The following UBASH3B variants were observed in gnomAD, a reference collection of about 807,000 sequenced individuals.
The protein encoded by UBASH3B is ubiquitin-associated and SH3 domain-containing protein B.
Under a neutral mutation model 83.4 loss-of-function variants are expected in UBASH3B, and 37 were observed. The ratio of observed to expected loss-of-function variants is 0.44; its 90% CI spans 0.34 to 0.58. The LOEUF is 0.58. Ranked by LOEUF, UBASH3B falls within the 20% of genes least tolerant of loss-of-function variation. UBASH3B has a pLI of 0.01. For missense variants in UBASH3B, 657 were observed against 827.2 expected, an observed-to-expected ratio of 0.79 and a Z score of 2.52; for synonymous variants, 304 against 318.3, an observed-to-expected ratio of 0.96 and a Z score of 0.48.
chr11:122,792,520 C>T (rs71488379), intron 6 of UBASH3B, among the ~76,000 whole-genome samples: 6 of 151,818 alleles, frequency 4.0e-5, no homozygotes, highest in South Asian at 2.1e-4. Flanking sequence ...GGTTTCACCA[C>T]GTTGGCCAGG....
intron 5 of UBASH3B, among the ~76,000 whole-genome samples, chr11:122,786,343 C>T (rs115220453): frequency 0.013 from 1,996 of 149,876 alleles, 49 homozygotes; most frequent in African/African-American, 0.045. Flanking sequence ...GCCACAGTGC[C>T]GGTCCTGGAT....
intron 1 of UBASH3B, among the ~76,000 whole-genome samples, chr11:122,685,661 C>T (rs986765517): frequency 2.0e-5 from 3 of 152,048 alleles, no homozygotes; most frequent in Admixed American, 6.6e-5. Context: ...GAATTACAGG[C>T]GTCTGCCACA....
chr11:122,725,924 C>A (rs773148311), intron 1 of UBASH3B, among the ~76,000 whole-genome samples: 2 of 152,132 alleles, frequency 1.3e-5, no homozygotes, highest in African/African-American at 4.8e-5. Context: ...AAACTCCTGA[C>A]CTCATGATCC....
At chr11:122,764,671 G>C (rs1234022181) in intron 1 of UBASH3B, among the ~76,000 whole-genome samples, 1 of 152,220 alleles carries the variant, frequency 6.6e-6, no homozygotes, top group African/African-American at 2.4e-5. Flanking sequence ...AAGAGTGACC[G>C]TATCAGAAAC....
At chr11:122,736,862 C>T (rs903786593) in intron 1 of UBASH3B, among the ~76,000 whole-genome samples, 14 of 151,820 alleles carry the variant, frequency 9.2e-5, no homozygotes, top group African/African-American at 2.7e-4. Context: ...CCAGCTTGGG[C>T]AACATAGTGA....
chr11:122,656,880 A>T (rs932762531), intron 1 of UBASH3B, among the ~76,000 whole-genome samples: 1 of 152,166 alleles, frequency 6.6e-6, no homozygotes, highest in Non-Finnish European at 1.5e-5. Flanking sequence ...GCCTGAGAGT[A>T]AGGAGGGGGA....
chr11:122,725,073 A>G (rs7115231), intron 1 of UBASH3B, among the ~76,000 whole-genome samples: 131,437 of 135,824 alleles, frequency 0.97, 63,710 homozygotes, highest in Middle Eastern at 0.99. Context: ...CGATTCAATC[A>G]ATTCTCCTGC....
chr11:122,731,504 T>C (rs776428832), intron 1 of UBASH3B, among the ~76,000 whole-genome samples: 3 of 151,760 alleles, frequency 2.0e-5, no homozygotes, highest in African/African-American at 7.3e-5. Context: ...ACTGGGACAG[T>C]TGGTCTGATA....
chr11:122,672,505 T>C (rs1470511158), intron 1 of UBASH3B, among the ~76,000 whole-genome samples: 1 of 152,098 alleles, frequency 6.6e-6, no homozygotes, highest in Admixed American at 6.6e-5. Flanking sequence ...TTTGTGTTTT[T>C]AGTAGAGATG....
chr11:122,809,862 G>A lies in UBASH3B; in HGVS notation c.1926G>A (p.Trp642Ter). Residue 642 changes from tryptophan (W) to a stop codon, truncating the protein, a stop_gained, in exon 14 of 14, where the codon TGG (tryptophan) becomes TGA (stop). Transcript: ENST00000284273. LOFTEE classifies it high-confidence loss of function. ...LTHGPTGGFN[W>*]RETLLQE is the part of the protein sequence containing the mutation. ...ATGGACCAACTGGGGGCTTCAACTG[G>A]AGAGAGACCTTGCTTCAAGAATAAA... The A allele has an allele frequency of 6.2e-7, 1 of 1,614,140 alleles. No individual in the cohort carries two copies. Among genetic ancestry groups the A allele is most frequent in the Non-Finnish European group, 8.5e-7 (1 of 1,180,014 alleles).
At chr11:122,804,790 C>G (rs571301445) in intron 11 of UBASH3B, among the ~76,000 whole-genome samples, 4 of 152,246 alleles carry the variant, frequency 2.6e-5, no homozygotes, top group Non-Finnish European at 2.9e-5. Flanking sequence ...CCACCAGGCA[C>G]TAAACACCCA....
chr11:122,744,900 C>CGTGT (rs1565549521), intron 1 of UBASH3B, among the ~76,000 whole-genome samples: 2 of 115,752 alleles, frequency 1.7e-5, no homozygotes, highest in Non-Finnish European at 4.0e-5. Context: ...TGTGTGTGTG[C>CGTGT]GCGCGCGCGC....
intron 1 of UBASH3B, among the ~76,000 whole-genome samples, chr11:122,679,364 A>G (rs1202394377): frequency 1.3e-5 from 2 of 152,240 alleles, no homozygotes; most frequent in Non-Finnish European, 2.9e-5. Context: ...CCGGAAAGGC[A>G]CCAAAGGATG....
intron 1 of UBASH3B, among the ~76,000 whole-genome samples, chr11:122,721,747 TCA>T (rs1591786092): frequency 6.6e-6 from 1 of 152,246 alleles, no homozygotes. Context: ...GTGAGGTTGC[TCA>T]CTTTTAACCC....
At chr11:122,671,963 G>T (rs1230738163) in intron 1 of UBASH3B, among the ~76,000 whole-genome samples, 1 of 151,984 alleles carries the variant, frequency 6.6e-6, no homozygotes, top group Non-Finnish European at 1.5e-5. Context: ...GCATGCTGGG[G>T]CACCAGCCGC....
intron 1 of UBASH3B, among the ~76,000 whole-genome samples, chr11:122,689,092 G>A (rs980646880): frequency 2.0e-5 from 3 of 151,878 alleles, no homozygotes; most frequent in Non-Finnish European, 2.9e-5. Context: ...GAGCCACCGC[G>A]CCTGGCCAGC....
At chr11:122,761,107 G>C (rs1189998370) in intron 1 of UBASH3B, among the ~76,000 whole-genome samples, 1 of 152,200 alleles carries the variant, frequency 6.6e-6, no homozygotes, top group African/African-American at 2.4e-5. Context: ...CTTCACGAGA[G>C]TGTCAGTTGG....
At chr11:122,701,713 G>T (rs554926349) in intron 1 of UBASH3B, among the ~76,000 whole-genome samples, 2 of 152,212 alleles carry the variant, frequency 1.3e-5, no homozygotes, top group South Asian at 4.1e-4. Flanking sequence ...CTTTCCTTTT[G>T]ACTCTCCCCT....
At chr11:122,690,938 C>T (rs1293763508) in intron 1 of UBASH3B, among the ~76,000 whole-genome samples, 4 of 152,208 alleles carry the variant, frequency 2.6e-5, no homozygotes, top group Non-Finnish European at 5.9e-5. Context: ...CTTCTCACTT[C>T]TGCGAAAGGC....
Sources: allele counts gnomAD v4.1 joint callset (sites outside exome capture counted in the v4.1 genomes callset), GRCh38; gene constraint gnomAD v4.1.1; transcripts MANE v1.5; gene names NCBI Gene and HGNC (gene_info 2026-07-23, HGNC 2026-07-21).